The following PIK3CB variants were observed in gnomAD, a reference collection of about 807,000 sequenced individuals.
The protein encoded by PIK3CB is phosphatidylinositol 4,5-bisphosphate 3-kinase catalytic subunit beta isoform.
In PIK3CB, 39 loss-of-function variants were observed where a neutral mutation model predicts 136.8. That is an observed-to-expected ratio of 0.29 (90% confidence interval 0.22 to 0.37). The LOEUF (loss-of-function observed/expected upper bound fraction) is 0.37, where lower values mean the gene tolerates loss of function less well. PIK3CB is among the 10% of genes least tolerant of loss of function. The pLI is 1.00. For synonymous variants in PIK3CB, 428 were observed against 436.6 expected (o/e 0.98, Z 0.25); for missense variants, 868 against 1,275.4 (o/e 0.68, Z 4.87).
At chr3:138,777,107 A>G (rs2045867937) in intron 2 of PIK3CB, among the ~76,000 whole-genome samples, 1 of 152,178 alleles carries the variant, frequency 6.6e-6, no homozygotes, top group Non-Finnish European at 1.5e-5. Context: ...GGCTGTGGGC[A>G]AAGTCATCTC....
chr3:138,760,116 G>GT lies in PIK3CB; in HGVS notation c.-16-758dup, dbSNP rs528186563. 3.3e-4 allele frequency among the ~76,000 whole-genome samples: 50 copies of GT among 152,188 alleles called. 1 individual carries two copies. The East Asian group carries it at 8.9e-3, about 27-fold the overall frequency. ...TTTTTGTATTTTTAGTAGAGACGGGGTTTCAACCGTGTTAGCCAGGATGGT... is the reference window on the plus strand; with the variant it reads ...TTTTTGTATTTTTAGTAGAGACGGGGTTTTCAACCGTGTTAGCCAGGATGGT... On this transcript the variant is annotated intron_variant, in intron 2 of 23. Transcript: ENST00000674063.
chr3:138,825,104 C>T (rs1397348035), intron 1 of PIK3CB: 4 of 276,604 alleles, frequency 1.4e-5, no homozygotes, highest in Non-Finnish European at 2.7e-5. Flanking sequence ...GAAAGGACTC[C>T]TTCAAGTATG....
intron 1 of PIK3CB, among the ~76,000 whole-genome samples, chr3:138,834,155 T>C (rs1378272372): frequency 6.6e-6 from 1 of 152,230 alleles, no homozygotes; most frequent in East Asian, 1.9e-4. Flanking sequence ...AACAACCTTA[T>C]GGTGTATGTA....
intron 1 of PIK3CB, among the ~76,000 whole-genome samples, chr3:138,824,695 GA>G (rs1016652350): frequency 1.3e-5 from 2 of 149,890 alleles, no homozygotes; most frequent in African/African-American, 4.9e-5. Context: ...CTCCACTTCG[GA>G]AAAAAAAGAA....
intron 6 of PIK3CB, 63 bp downstream of exon 6, chr3:138,737,644 A>AT: frequency 2.2e-6 from 1 of 462,524 alleles, no homozygotes; most frequent in Non-Finnish European, 3.2e-6. Context: ...TCAGAAATAA[A>AT]ATATATATAT....
intron 1 of PIK3CB, 62 bp downstream of exon 1, chr3:138,834,633 C>G (rs1934191675): frequency 1.3e-5 from 2 of 153,566 alleles, no homozygotes; most frequent in Non-Finnish European, 1.4e-5. Flanking sequence ...GCACCGCAGC[C>G]GGCGCCGCGA....
intron 20 of PIK3CB, 89 bp from the exon 21 acceptor site, chr3:138,664,118 T>A: frequency 6.9e-7 from 1 of 1,453,418 alleles, no homozygotes. Context: ...GTTTCCTTTT[T>A]AATTGTGAGG....
intron 8 of PIK3CB, among the ~76,000 whole-genome samples, chr3:138,727,134 CCA>C (rs1201883453): frequency 1.3e-5 from 2 of 152,070 alleles, no homozygotes; most frequent in Non-Finnish European, 2.9e-5. Context: ...CCAAGCACTC[CCA>C]CAGAGATGGA....
intron 9 of PIK3CB, 118 bp downstream of exon 9, chr3:138,714,347 AATC>A: frequency 1.7e-6 from 1 of 585,226 alleles, no homozygotes; most frequent in Non-Finnish European, 2.8e-6. Context: ...ATCTTCTTAA[AATC>A]AGTTTTTAAG....
intron 4 of PIK3CB, among the ~76,000 whole-genome samples, chr3:138,752,690 T>C (rs1015960808): frequency 6.6e-6 from 1 of 150,904 alleles, no homozygotes; most frequent in African/African-American, 2.4e-5. Flanking sequence ...GAGTGGGTGA[T>C]AGAGTGAGAC....
At chr3:138,730,490 G>A (rs1461188697) in intron 8 of PIK3CB, among the ~76,000 whole-genome samples, 1 of 152,116 alleles carries the variant, frequency 6.6e-6, no homozygotes, top group Non-Finnish European at 1.5e-5. Flanking sequence ...CTGCAAATGG[G>A]AAGAACAAGC....
intron 14 of PIK3CB, among the ~76,000 whole-genome samples, chr3:138,693,966 T>TCTATATATATA (rs1457395869): frequency 2.4e-5 from 1 of 42,406 alleles, no homozygotes; most frequent in African/African-American, 1.4e-4. Flanking sequence ...TATATATATA[T>TCTATATATATA]TATATATATA....
Position 138,687,350 on chromosome 3 carries a change from C to T in PIK3CB, c.2136+1525G>A, listed in dbSNP as rs182550759. Among the ~76,000 whole-genome samples the T allele has an allele frequency of 5.9e-5, 9 of 152,096 alleles. No individual in the cohort carries two copies. In the East Asian group the frequency reaches 1.4e-3, roughly 23 times the overall value. On this transcript the variant is annotated intron_variant, in intron 16 of 23. Coordinates refer to ENST00000674063, the MANE Select transcript of PIK3CB (RefSeq NM_006219.3). ...AGTGTGGAAAATGGTTATATGATGA[C>T]AATAAGCAAGTTATGACTAAGTATG...
chr3:138,710,302 GACACAC>G (rs148221283), intron 10 of PIK3CB, among the ~76,000 whole-genome samples: 1 of 151,188 alleles, frequency 6.6e-6, no homozygotes, highest in Non-Finnish European at 1.5e-5. Context: ...GGAATAGAAG[GACACAC>G]ACACACACAC....
At chr3:138,740,739 G>A (rs975669618) in intron 5 of PIK3CB, among the ~76,000 whole-genome samples, 1 of 151,774 alleles carries the variant, frequency 6.6e-6, no homozygotes, top group African/African-American at 2.4e-5. Context: ...TGCAAACTCC[G>A]CCTTCTGGGA....
In PIK3CB at chr3:138,688,633, T is replaced by C. The variant is rs116713604; in HGVS notation, c.2136+242A>G. Among the ~76,000 whole-genome samples the C allele has an allele frequency of 1.6e-4, 24 of 152,240 alleles. No individual in the cohort carries two copies. The South Asian group carries it at 3.9e-3, about 25-fold the overall frequency. On this transcript the variant is annotated intron_variant, in intron 16 of 23. Transcript: ENST00000674063. The stretch of plus-strand genomic sequence containing the variant: ...TTTTTCAGGTAGCATTCAGTTAATA[T>C]TTTTGTGCTAAGTTCATTGAAACTT...
At chr3:138,823,072 T>C (rs1026811096) in intron 1 of PIK3CB, among the ~76,000 whole-genome samples, 1 of 151,274 alleles carries the variant, frequency 6.6e-6, no homozygotes, top group Non-Finnish European at 1.5e-5. Flanking sequence ...ACTACATTTT[T>C]TTTCAGATAA....
chr3:138,769,034 A>T (rs915756041), intron 2 of PIK3CB, among the ~76,000 whole-genome samples: 3 of 152,080 alleles, frequency 2.0e-5, no homozygotes, highest in African/African-American at 7.2e-5. Flanking sequence ...ATGGAGCAGG[A>T]GGCCCGGGTC....
In PIK3CB at chr3:138,711,083, C is replaced by CA. The variant is rs571403491; in HGVS notation, c.1399+1124dup. On this transcript the variant is annotated intron_variant, in intron 10 of 23. Coordinates refer to ENST00000674063, the MANE Select transcript of PIK3CB (RefSeq NM_006219.3). Reference sequence around the variant, plus strand: ...GAGGTGACAGAGCGAGACTCCATCTCAAAAAAAAAAAAGTGTTTTTACTAT... The same window carrying CA: ...GAGGTGACAGAGCGAGACTCCATCTCAAAAAAAAAAAAAGTGTTTTTACTAT... Among the ~76,000 whole-genome samples the CA allele has an allele frequency of 1.1e-3, 150 of 133,306 alleles. 1 individual carries two copies. In the South Asian group the frequency reaches 0.011, roughly 10 times the overall value. 87.5% of individuals were successfully genotyped at this position (133,306 alleles called of 152,430 possible).
Sources: gnomAD v4.1 joint callset for allele counts (sites outside exome capture counted in the v4.1 genomes callset) on GRCh38, gnomAD v4.1.1 for gene constraint, MANE v1.5 for transcripts, NCBI Gene and HGNC (gene_info 2026-07-23, HGNC 2026-07-21) for gene names.